Variants in EPM2A observed in about 807,000 individuals in gnomAD.
EPM2A encodes laforin.
In EPM2A, 21 loss-of-function variants were observed where a neutral mutation model predicts 26.5. The ratio of observed to expected loss-of-function variants is 0.79; its 90% CI spans 0.56 to 1.14. The LOEUF is 1.14. EPM2A is among the 50% of genes most tolerant of loss of function. EPM2A has a pLI of 0.00. For missense variants in EPM2A, 458 were observed against 440.8 expected (o/e 1.04, Z -0.35); for synonymous variants, 217 against 177.6 (o/e 1.22, Z -1.76).
At chr6:145,420,982 C>G (rs1471526803) in intron 4 of EPM2A, among the ~76,000 whole-genome samples, 1 of 152,064 alleles carries the variant, frequency 6.6e-6, no homozygotes, top group East Asian at 1.9e-4. Context: ...ACCTAATTAC[C>G]TCTTAAAGAT....
At chr6:145,449,489 T>C (rs1444704936) in intron 4 of EPM2A, among the ~76,000 whole-genome samples, 2 of 152,234 alleles carry the variant, frequency 1.3e-5, no homozygotes, top group African/African-American at 2.4e-5. Context: ...TAGCATCTTT[T>C]ACCCCGTTTA....
At chr6:145,395,288 TA>T (rs1030547464) in intron 4 of EPM2A, among the ~76,000 whole-genome samples, 1 of 152,140 alleles carries the variant, frequency 6.6e-6, no homozygotes, top group African/African-American at 2.4e-5. Flanking sequence ...TTCAAGGACC[TA>T]AAAGGTCAGT....
At chr6:145,389,436 C>A (rs935193345) in intron 4 of EPM2A, among the ~76,000 whole-genome samples, 35 of 152,088 alleles carry the variant, frequency 2.3e-4, no homozygotes, top group African/African-American at 7.7e-4. Context: ...GGGTGATCTG[C>A]CTGCTTTGGC....
chr6:145,665,872 A>G (rs1448328011), intron 2 of EPM2A, among the ~76,000 whole-genome samples: 4 of 150,010 alleles, frequency 2.7e-5, no homozygotes, highest in Non-Finnish European at 5.9e-5. Context: ...ACGCAAATCA[A>G]TAAATGTAAT....
intron 3 of EPM2A, chr6:145,627,996 C>A: frequency 2.6e-6 from 1 of 386,990 alleles, no homozygotes; most frequent in South Asian, 4.2e-5. Flanking sequence ...GACCTATCGC[C>A]TGTCATCAGA....
intron 4 of EPM2A, among the ~76,000 whole-genome samples, chr6:145,465,615 CT>C (rs1779381158): frequency 6.6e-6 from 1 of 151,334 alleles, no homozygotes; most frequent in Non-Finnish European, 1.5e-5. Flanking sequence ...TACTTTTGGT[CT>C]TTGATGATGG....
At chr6:145,431,480 T>C (rs1390102298) in intron 4 of EPM2A, among the ~76,000 whole-genome samples, 1 of 152,192 alleles carries the variant, frequency 6.6e-6, no homozygotes. Flanking sequence ...GCCACATAAT[T>C]TTTTTGTTTT....
chr6:145,453,232 A>G (rs1779219659), intron 4 of EPM2A, among the ~76,000 whole-genome samples: 2 of 152,186 alleles, frequency 1.3e-5, no homozygotes, highest in Non-Finnish European at 2.9e-5. Context: ...GATTATCTCT[A>G]TGAAATTATT....
chr6:145,614,916 C>G (rs1331637505), intron 2 of EPM2A, among the ~76,000 whole-genome samples: 1 of 152,184 alleles, frequency 6.6e-6, no homozygotes, highest in Non-Finnish European at 1.5e-5. Context: ...TTTATTGATG[C>G]ATGGTTGCCA....
chr6:145,499,259 C>T (rs563541049), downstream of EPM2A, among the ~76,000 whole-genome samples: 96 of 152,258 alleles, frequency 6.3e-4, no homozygotes, highest in African/African-American at 2.2e-3. Context: ...GACTCCTTGC[C>T]TCCTCTTTCC....
At chr6:145,557,734 G>A (rs1780748089) in intron 2 of EPM2A, among the ~76,000 whole-genome samples, 2 of 151,970 alleles carry the variant, frequency 1.3e-5, no homozygotes, top group South Asian at 4.2e-4. Context: ...TTATTTTATT[G>A]TGAGAACACT....
intron 2 of EPM2A, among the ~76,000 whole-genome samples, chr6:145,616,068 G>A (rs957620632): frequency 1.3e-5 from 2 of 152,196 alleles, no homozygotes; most frequent in Non-Finnish European, 2.9e-5. Context: ...AAGACAATGG[G>A]GAAAATGTCT....
intron 4 of EPM2A, among the ~76,000 whole-genome samples, chr6:145,418,261 A>G (rs1260068998): frequency 1.3e-5 from 2 of 152,188 alleles, no homozygotes; most frequent in Non-Finnish European, 2.9e-5. Context: ...ATGGATGCAA[A>G]TTCCCACAAA....
intron 1 of EPM2A, among the ~76,000 whole-genome samples, chr6:145,707,313 G>A (rs757023295): frequency 3.9e-5 from 6 of 151,940 alleles, no homozygotes; most frequent in Admixed American, 6.5e-5. Flanking sequence ...ACTAAGATAG[G>A]AAGTGGCAGG....
chr6:145,477,007 A>C (rs911892533), intron 4 of EPM2A, among the ~76,000 whole-genome samples: 1 of 151,912 alleles, frequency 6.6e-6, no homozygotes, highest in Non-Finnish European at 1.5e-5. Context: ...GCAACAAAAA[A>C]TTGGTTTCTT....
rs1011793795 is a variant in EPM2A, at chr6:145,682,908, T to G, written c.476+3214A>C. ...CTTAGTTGAGTTTGAATACCTCCATTGTATAAATGCTCAAACATATAATCT... is the reference window on the plus strand; with the variant it reads ...CTTAGTTGAGTTTGAATACCTCCATGGTATAAATGCTCAAACATATAATCT... On this transcript the variant is annotated intron_variant, in intron 2 of 3. Transcript: ENST00000367519. 1.5e-4 allele frequency among the ~76,000 whole-genome samples: 23 copies of G among 152,278 alleles called. No homozygotes were observed. In the South Asian group the frequency reaches 4.6e-3, roughly 30 times the overall value.
At chr6:145,458,979 A>G (rs563970433) in intron 4 of EPM2A, among the ~76,000 whole-genome samples, 2 of 152,286 alleles carry the variant, frequency 1.3e-5, no homozygotes, top group Admixed American at 1.3e-4. Flanking sequence ...TCACCTATGT[A>G]CATTGTAGGT....
intron 2 of EPM2A, among the ~76,000 whole-genome samples, chr6:145,544,032 C>T (rs967487347): frequency 6.6e-6 from 1 of 152,182 alleles, no homozygotes; most frequent in African/African-American, 2.4e-5. Context: ...AAAAGTAAAG[C>T]TTCTGGTCAG....
chr6:145,674,261 A>G (rs1779860850), intron 2 of EPM2A, among the ~76,000 whole-genome samples: 1 of 152,046 alleles, frequency 6.6e-6, no homozygotes. Context: ...CATCAACAAA[A>G]AGGACATCTA....
Sources: allele counts gnomAD v4.1 joint callset (sites outside exome capture counted in the v4.1 genomes callset), GRCh38; gene constraint gnomAD v4.1.1; transcripts MANE v1.5; gene names NCBI Gene and HGNC (gene_info 2026-07-23, HGNC 2026-07-21).